SRGAP2: variants seen among roughly 807,000 people sequenced by gnomAD.
SRGAP2 encodes the protein SLIT-ROBO Rho GTPase-activating protein 2.
Under a neutral mutation model 57.2 loss-of-function variants are expected in SRGAP2, and 15 were observed. That is an observed-to-expected ratio of 0.26 (90% CI 0.18 to 0.40). SRGAP2 has a LOEUF of 0.40. SRGAP2 is among the 10% of genes least tolerant of loss of function. The pLI is 1.00. For missense variants in SRGAP2, 520 were observed against 669.6 expected, an observed-to-expected ratio of 0.78 and a Z score of 2.47; for synonymous variants, 249 against 248.0, an observed-to-expected ratio of 1.00 and a Z score of -0.04.
At chr1:206,230,541 G>A (rs1316761571) in intron 2 of SRGAP2, among the ~76,000 whole-genome samples, 2 of 150,780 alleles carry the variant, frequency 1.3e-5, no homozygotes, top group Non-Finnish European at 2.9e-5. Flanking sequence ...ACATGATTAT[G>A]TATGCCTACT....
At chr1:206,253,887 C>G (rs1669016302) in intron 2 of SRGAP2, among the ~76,000 whole-genome samples, 1 of 148,300 alleles carries the variant, frequency 6.7e-6, no homozygotes, top group African/African-American at 2.5e-5. Flanking sequence ...GCTCCATTTT[C>G]AAGAGCAAGC....
At chr1:206,301,062 C>T (rs1553618647) in intron 2 of SRGAP2, among the ~76,000 whole-genome samples, 49 of 152,268 alleles carry the variant, frequency 3.2e-4, no homozygotes, top group African/African-American at 7.5e-4. Context: ...GATGGAGTCT[C>T]GCTCTGTCGC....
At chr1:206,381,282 G>C (rs1310878588) in intron 4 of SRGAP2, among the ~76,000 whole-genome samples, 5 of 150,884 alleles carry the variant, frequency 3.3e-5, no homozygotes, top group African/African-American at 1.2e-4. Context: ...AGAGGAATAG[G>C]AGCTTTCTCC....
chr1:206,291,194 G>T (rs1446607375), intron 2 of SRGAP2, among the ~76,000 whole-genome samples: 7 of 151,448 alleles, frequency 4.6e-5, no homozygotes, highest in Admixed American at 2.6e-4. Flanking sequence ...GGATGGGGGA[G>T]AGTGGTTAAG....
chr1:206,461,689 TATC>T lies in SRGAP2; in HGVS notation c.*271_*273del. On this transcript the variant is annotated 3_prime_UTR_variant, in exon 23 of 23. Coordinates refer to ENST00000573034, the MANE Select transcript of SRGAP2 (RefSeq NM_015326.5). Reference sequence around the variant, plus strand: ...AGGTTAGCCAGAGACAGGTTTTCATTATCAGGTCACTGTGAAATCTGGTAAGGC... The same window carrying T: ...AGGTTAGCCAGAGACAGGTTTTCATTAGGTCACTGTGAAATCTGGTAAGGC... The T allele has an allele frequency of 2.6e-6, 1 of 384,828 alleles. No individual in the cohort carries two copies. The highest frequency in any genetic ancestry group is 4.2e-5 in the Admixed American group (1 of 23,700). 23.8% of individuals were successfully genotyped at this position (384,828 alleles called of 1,614,324 possible). A position where few individuals can be genotyped will look rare whatever the true frequency, so the allele number is the denominator to read the frequency against.
At chr1:206,276,843 G>T (rs1258732786) in intron 2 of SRGAP2, among the ~76,000 whole-genome samples, 2,907 of 152,258 alleles carry the variant, frequency 0.019, 34 homozygotes, top group Middle Eastern at 0.031. Flanking sequence ...GCAAGCTGCG[G>T]ATTCTGAATT....
chr1:206,427,764 C>G (rs994718558), intron 13 of SRGAP2, among the ~76,000 whole-genome samples: 5 of 152,186 alleles, frequency 3.3e-5, no homozygotes, highest in Admixed American at 6.5e-5. Context: ...TCTCCCTGAT[C>G]TCTTTCTTCC....
At chr1:206,451,084 T>C in intron 19 of SRGAP2, among the ~76,000 whole-genome samples, 1 of 132,310 alleles carries the variant, frequency 7.6e-6, no homozygotes, top group African/African-American at 2.9e-5. Flanking sequence ...ACTACAGTAC[T>C]CCAGCCTGGG....
At chr1:206,333,335 G>T (rs1265809022) in intron 3 of SRGAP2, 9 of 1,204,472 alleles carry the variant, frequency 7.5e-6, no homozygotes, top group Non-Finnish European at 8.6e-6. Flanking sequence ...TTTATTTTGA[G>T]CCAGGGCTTG....
At chr1:206,413,676 T>A (rs1659414925) in intron 10 of SRGAP2, among the ~76,000 whole-genome samples, 1 of 152,140 alleles carries the variant, frequency 6.6e-6, no homozygotes, top group Non-Finnish European at 1.5e-5. Flanking sequence ...CATCATGCAT[T>A]TATTGAGTAT....
At chr1:206,438,925 G>T (rs1443785945) in intron 16 of SRGAP2, among the ~76,000 whole-genome samples, 3 of 152,188 alleles carry the variant, frequency 2.0e-5, no homozygotes, top group Admixed American at 2.0e-4. Flanking sequence ...CCTGAGAAAT[G>T]CCCAGGGCAT....
At chr1:206,381,141 A>C (rs1192234048) in intron 4 of SRGAP2, among the ~76,000 whole-genome samples, 2 of 152,252 alleles carry the variant, frequency 1.3e-5, no homozygotes, top group African/African-American at 4.8e-5. Flanking sequence ...CCTCCCAACT[A>C]ATCAGTACAT....
At chr1:206,256,846 G>C (rs1669214552) in intron 2 of SRGAP2, among the ~76,000 whole-genome samples, 4 of 152,238 alleles carry the variant, frequency 2.6e-5, no homozygotes, top group South Asian at 4.1e-4. Context: ...TTGCTTCCTT[G>C]CCTTTAAATT....
intron 18 of SRGAP2, among the ~76,000 whole-genome samples, chr1:206,448,872 C>T (rs932847290): frequency 1.1e-4 from 16 of 152,300 alleles, no homozygotes; most frequent in African/African-American, 3.1e-4. Context: ...GAGGAATCTC[C>T]GTTTATATTC....
chr1:206,439,468 G>A (rs1240483243), intron 16 of SRGAP2, among the ~76,000 whole-genome samples: 4 of 148,746 alleles, frequency 2.7e-5, no homozygotes, highest in Non-Finnish European at 6.0e-5. Flanking sequence ...CAGGCCTCTT[G>A]CACAGCCTCT....
At chr1:206,212,146 T>A (rs1406623002) in intron 2 of SRGAP2, among the ~76,000 whole-genome samples, 1 of 152,218 alleles carries the variant, frequency 6.6e-6, no homozygotes, top group Non-Finnish European at 1.5e-5. Flanking sequence ...AATGCTGCTG[T>A]GAACATAGGT....
chr1:206,310,156 T>C (rs1672530244), intron 3 of SRGAP2, among the ~76,000 whole-genome samples: 1 of 151,216 alleles, frequency 6.6e-6, no homozygotes, highest in Non-Finnish European at 1.5e-5. Flanking sequence ...GGGTGAAACA[T>C]ATGAAATTGC....
intron 14 of SRGAP2, 93 bp downstream of exon 14, chr1:206,430,315 C>T (rs1661183557): frequency 4.1e-6 from 3 of 739,872 alleles, no homozygotes; most frequent in Admixed American, 3.6e-5. Flanking sequence ...ATTGACTTCC[C>T]ATCCTGGCAT....
chr1:206,339,279 G>A (rs569581520), intron 3 of SRGAP2, among the ~76,000 whole-genome samples: 3 of 152,056 alleles, frequency 2.0e-5, no homozygotes, highest in Non-Finnish European at 2.9e-5. Flanking sequence ...ACCCAACCAC[G>A]GTCTAACATG....
Sources: gnomAD v4.1 joint callset for allele counts (sites outside exome capture counted in the v4.1 genomes callset) on GRCh38, gnomAD v4.1.1 for gene constraint, MANE v1.5 for transcripts, NCBI Gene and HGNC (gene_info 2026-07-23, HGNC 2026-07-21) for gene names.